The following ERICH1 variants were observed in gnomAD, a reference collection of about 807,000 sequenced individuals.
The protein encoded by ERICH1 is glutamate rich 1, also known as glutamate-rich protein 1.
Under a neutral mutation model 39.6 loss-of-function variants are expected in ERICH1, and 56 were observed. That is an observed-to-expected ratio of 1.41 (90% CI 1.14 to 1.77). The LOEUF is 1.77. Ranked by LOEUF, ERICH1 falls within the 40% of genes most tolerant of loss-of-function variation. The probability of loss-of-function intolerance (pLI) is 0.00; values close to 1 mark genes in which losing one functional copy is unlikely to be tolerated. For missense variants in ERICH1, 826 were observed against 575.4 expected (o/e 1.44, Z -4.45); for synonymous variants, 313 against 223.6 (o/e 1.40, Z -3.57).
At chr8:713,871 G>GCACCCAGGAACC (rs1005791240) in intron 2 of ERICH1, among the ~76,000 whole-genome samples, 32 of 152,180 alleles carry the variant, frequency 2.1e-4, no homozygotes, top group Non-Finnish European at 4.4e-4. Context: ...CCCAGAAATG[G>GCACCCAGGAACC]CACCCAGGAA....
intron 3 of ERICH1, among the ~76,000 whole-genome samples, chr8:682,872 A>G (rs1036814081): frequency 2.0e-5 from 3 of 152,254 alleles, no homozygotes; most frequent in Non-Finnish European, 2.9e-5. Flanking sequence ...AAGCTAGGCT[A>G]CAAATTGCAT....
chr8:682,718 C>T (rs1036345732), intron 3 of ERICH1, among the ~76,000 whole-genome samples: 8 of 152,212 alleles, frequency 5.3e-5, no homozygotes, highest in Non-Finnish European at 8.8e-5. Context: ...CTATTTGACA[C>T]CTACATTCTG....
intron 3 of ERICH1, among the ~76,000 whole-genome samples, chr8:623,483 A>G (rs1797411965): frequency 6.6e-6 from 1 of 152,232 alleles, no homozygotes; most frequent in Admixed American, 6.5e-5. Flanking sequence ...TTTTTAATTT[A>G]AAAATTTTTG....
intron 3 of ERICH1, among the ~76,000 whole-genome samples, chr8:649,259 G>A (rs562829352): frequency 1.4e-5 from 1 of 69,276 alleles, no homozygotes; most frequent in Admixed American, 1.2e-4. Context: ...GAGAGTAAGA[G>A]ATGGCATATC....
At chr8:722,127 T>C (rs1817466242) in intron 1 of ERICH1, among the ~76,000 whole-genome samples, 1 of 151,694 alleles carries the variant, frequency 6.6e-6, no homozygotes, top group South Asian at 2.1e-4. Flanking sequence ...CGTGCTCCCC[T>C]TCCAGCAGCA....
intron 3 of ERICH1, among the ~76,000 whole-genome samples, chr8:689,874 T>C (rs953995319): frequency 6.6e-6 from 1 of 152,192 alleles, no homozygotes; most frequent in African/African-American, 2.4e-5. Context: ...TAAATTCATG[T>C]AGGGCAGTGT....
At chr8:638,542 T>A (rs1798638671) in intron 3 of ERICH1, among the ~76,000 whole-genome samples, 1 of 152,000 alleles carries the variant, frequency 6.6e-6, no homozygotes, top group African/African-American at 2.4e-5. Flanking sequence ...GCCACGGAGG[T>A]GGCGTCCACT....
At chr8:704,124 C>A (rs1443326981) in intron 2 of ERICH1, among the ~76,000 whole-genome samples, 1 of 152,164 alleles carries the variant, frequency 6.6e-6, no homozygotes. Flanking sequence ...AATCCTACAC[C>A]CCGAAAAACT....
chr8:728,721 A>G (rs1819357840), intron 1 of ERICH1, among the ~76,000 whole-genome samples: 1 of 152,218 alleles, frequency 6.6e-6, no homozygotes, highest in Non-Finnish European at 1.5e-5. Flanking sequence ...AGAGGCTTGC[A>G]AAGTAGGCCC....
intron 2 of ERICH1, among the ~76,000 whole-genome samples, chr8:700,285 GC>G (rs1811674192): frequency 9.8e-6 from 1 of 101,526 alleles, no homozygotes; most frequent in African/African-American, 3.2e-5. Flanking sequence ...GCACAGACCC[GC>G]ACAGGCCCGG....
chr8:681,421 G>A (rs1344934774), intron 3 of ERICH1, among the ~76,000 whole-genome samples: 2 of 152,240 alleles, frequency 1.3e-5, no homozygotes, highest in Non-Finnish European at 2.9e-5. Context: ...CAATAATTTG[G>A]CAACTGAGAG....
At chr8:625,174 G>A (rs1797532419) in intron 3 of ERICH1, among the ~76,000 whole-genome samples, 1 of 152,134 alleles carries the variant, frequency 6.6e-6, no homozygotes, top group South Asian at 2.1e-4. Flanking sequence ...GTGGGGACAC[G>A]AATCCGAACC....
At chr8:710,432 G>A (rs1414465927) in intron 2 of ERICH1, among the ~76,000 whole-genome samples, 4 of 145,330 alleles carry the variant, frequency 2.8e-5, no homozygotes, top group East Asian at 2.1e-4. Context: ...GGCATCGTAC[G>A]GGGCGGTTTC....
chr8:672,637 C>T (rs549977446), intron 4 of ERICH1, among the ~76,000 whole-genome samples: 2 of 152,196 alleles, frequency 1.3e-5, no homozygotes, highest in Non-Finnish European at 1.5e-5. Context: ...AGCCAGCGCA[C>T]GGTGAGTATC....
chr8:684,607 C>T (rs336439), intron 3 of ERICH1, among the ~76,000 whole-genome samples: 102,672 of 152,050 alleles, frequency 0.68, 35,080 homozygotes, highest in East Asian at 0.9. Flanking sequence ...CCAATTTCTG[C>T]CAAGACATCT....
intron 3 of ERICH1, among the ~76,000 whole-genome samples, chr8:634,338 G>A (rs1199707272): frequency 6.6e-6 from 1 of 152,194 alleles, no homozygotes; most frequent in Non-Finnish European, 1.5e-5. Context: ...AAGGCAACGA[G>A]CGAGCGTCGT....
downstream of ERICH1, among the ~76,000 whole-genome samples, chr8:662,199 C>T (rs1021536484): frequency 2.6e-5 from 4 of 152,260 alleles, no homozygotes; most frequent in African/African-American, 9.6e-5. Flanking sequence ...TACACATGAC[C>T]CACCACCCCT....
chr8:678,035 A>T (rs541581508), intron 3 of ERICH1, among the ~76,000 whole-genome samples: 2 of 152,326 alleles, frequency 1.3e-5, no homozygotes, highest in South Asian at 4.1e-4. Context: ...TAAGACTATA[A>T]AACAGTAATT....
At chr8:713,068 C>T (rs551051908) in intron 2 of ERICH1, among the ~76,000 whole-genome samples, 1 of 152,364 alleles carries the variant, frequency 6.6e-6, no homozygotes, top group South Asian at 2.1e-4. Context: ...CCTTGGCTTG[C>T]AGACGCCGTT....
Sources: gnomAD v4.1 joint callset for allele counts (sites outside exome capture counted in the v4.1 genomes callset) on GRCh38, gnomAD v4.1.1 for gene constraint, MANE v1.5 for transcripts, NCBI Gene and HGNC (gene_info 2026-07-23, HGNC 2026-07-21) for gene names.